The following GPC5 variants were observed in gnomAD, a reference collection of about 807,000 sequenced individuals.
The protein encoded by GPC5 is glypican-5.
In GPC5, 47 loss-of-function variants were observed where a neutral mutation model predicts 53.9. The observed-to-expected ratio is 0.87, with a 90% CI of 0.69 to 1.11. The LOEUF is 1.11. GPC5 is among the 50% of genes most tolerant of loss of function. The pLI is 0.00. For missense variants in GPC5, 748 were observed against 713.1 expected (o/e 1.05, Z -0.56); for synonymous variants, 286 against 263.3 (o/e 1.09, Z -0.84).
At chr13:91,539,214 G>A (rs1886740241) in intron 2 of GPC5, among the ~76,000 whole-genome samples, 1 of 151,972 alleles carries the variant, frequency 6.6e-6, no homozygotes, top group Non-Finnish European at 1.5e-5. Flanking sequence ...TTTTAAAAGC[G>A]TTAAAACAAT....
At chr13:92,036,236 T>C (rs1389637891) in intron 6 of GPC5, among the ~76,000 whole-genome samples, 1 of 152,170 alleles carries the variant, frequency 6.6e-6, no homozygotes, top group Non-Finnish European at 1.5e-5. Flanking sequence ...ATATTAATGG[T>C]TTTACAGCAT....
intron 7 of GPC5, among the ~76,000 whole-genome samples, chr13:92,793,639 A>G (rs1384292845): frequency 2.0e-5 from 3 of 152,164 alleles, no homozygotes; most frequent in African/African-American, 7.2e-5. Flanking sequence ...ACCACTAGCA[A>G]GATTAATAAG....
At chr13:91,771,635 G>A (rs980934709) in intron 5 of GPC5, among the ~76,000 whole-genome samples, 1 of 152,044 alleles carries the variant, frequency 6.6e-6, no homozygotes, top group Non-Finnish European at 1.5e-5. Flanking sequence ...AGAAGAAGAG[G>A]GTTAAAGGAC....
At chr13:92,382,326 T>G (rs1210615269) in intron 7 of GPC5, among the ~76,000 whole-genome samples, 1 of 151,984 alleles carries the variant, frequency 6.6e-6, no homozygotes, top group African/African-American at 2.4e-5. Flanking sequence ...AAAGAACTTC[T>G]GTAACCAAAT....
chr13:92,301,660 A>G (rs2043076142), intron 7 of GPC5, among the ~76,000 whole-genome samples: 1 of 152,088 alleles, frequency 6.6e-6, no homozygotes, highest in African/African-American at 2.4e-5. Context: ...ACCAAGGCTT[A>G]TGGATCACAT....
intron 7 of GPC5, 59 bp downstream of exon 7, chr13:92,145,048 G>T: frequency 1.6e-6 from 2 of 1,251,168 alleles, no homozygotes; most frequent in Non-Finnish European, 2.1e-6. Flanking sequence ...TATAATTAAA[G>T]ATATTGTTAT....
At chr13:92,282,979 G>A (rs2042927625) in intron 7 of GPC5, among the ~76,000 whole-genome samples, 1 of 152,194 alleles carries the variant, frequency 6.6e-6, no homozygotes, top group Non-Finnish European at 1.5e-5. Context: ...ACCCATCAGT[G>A]TGCTGTATTC....
intron 7 of GPC5, among the ~76,000 whole-genome samples, chr13:92,291,157 G>C (rs577946296): frequency 3.1e-4 from 47 of 152,230 alleles, no homozygotes; most frequent in African/African-American, 1.0e-3. Context: ...TGCGGCCGGA[G>C]CCTCCCCGAG....
At chr13:92,224,706 G>A (rs901746633) in intron 7 of GPC5, among the ~76,000 whole-genome samples, 3 of 152,162 alleles carry the variant, frequency 2.0e-5, no homozygotes, top group Admixed American at 2.0e-4. Context: ...CCACAACCTT[G>A]ACTCATAGGC....
intron 7 of GPC5, among the ~76,000 whole-genome samples, chr13:92,318,617 C>T (rs1463580888): frequency 1.3e-5 from 2 of 152,012 alleles, no homozygotes; most frequent in East Asian, 1.9e-4. Context: ...ACCAGTGGTA[C>T]ATATATCTTA....
intron 6 of GPC5, among the ~76,000 whole-genome samples, chr13:91,915,694 A>T (rs2039651790): frequency 6.6e-6 from 1 of 152,182 alleles, no homozygotes. Context: ...TAAAACTTTT[A>T]TATATTTCTG....
chr13:92,740,849 A>G (rs1889062841), intron 7 of GPC5, among the ~76,000 whole-genome samples: 1 of 150,324 alleles, frequency 6.7e-6, no homozygotes, highest in South Asian at 2.1e-4. Flanking sequence ...GGGGAAAAGT[A>G]GCCCAAATAA....
At chr13:92,410,294 T>C (rs1875987779) in intron 7 of GPC5, among the ~76,000 whole-genome samples, 1 of 152,188 alleles carries the variant, frequency 6.6e-6, no homozygotes, top group Non-Finnish European at 1.5e-5. Flanking sequence ...CAGATGACAG[T>C]TGATACTCTC....
chr13:92,627,281 T>G (rs1429389583), intron 7 of GPC5, among the ~76,000 whole-genome samples: 2 of 152,220 alleles, frequency 1.3e-5, no homozygotes, highest in Non-Finnish European at 2.9e-5. Flanking sequence ...ATTTTCCCAA[T>G]GAAGAGAGCA....
rs1028488538 is a variant in GPC5 at position 91,590,476 on chromosome 13, ATGTT to A, written c.326-102705_326-102702del. 5.8e-4 allele frequency among the ~76,000 whole-genome samples: 88 copies of A among 152,274 alleles called. 1 individual carries two copies. The highest frequency in any genetic ancestry group is 2.0e-3 in the African/African-American group (82 of 41,570). On this transcript the variant is annotated intron_variant, in intron 2 of 7. Transcript: ENST00000377067. ...TAATAAACTAATGCCATGCCTGTAT[ATGTT>A]TGTTTATGTTCCAGCTATAAGAATT...
intron 2 of GPC5, among the ~76,000 whole-genome samples, chr13:91,528,184 G>A (rs1886174587): frequency 6.6e-6 from 1 of 152,096 alleles, no homozygotes; most frequent in Non-Finnish European, 1.5e-5. Flanking sequence ...AAACTTTTAT[G>A]CTCTGCTTCC....
At chr13:92,818,080 G>A (rs113638184) in intron 7 of GPC5, among the ~76,000 whole-genome samples, 4 of 149,598 alleles carry the variant, frequency 2.7e-5, no homozygotes, top group South Asian at 2.1e-4. Flanking sequence ...TGGCGCGATC[G>A]CGGCTCACTG....
intron 7 of GPC5, among the ~76,000 whole-genome samples, chr13:92,199,336 G>T (rs2042278633): frequency 6.6e-6 from 1 of 152,114 alleles, no homozygotes; most frequent in African/African-American, 2.4e-5. Context: ...ATATCTGCGG[G>T]TTTAACTTAT....
rs766293591 is a variant in GPC5, at chr13:92,866,455, C to A, written c.*16C>A. On this transcript the variant is annotated 3_prime_UTR_variant, in exon 8 of 8. Coordinates refer to ENST00000377067, the MANE Select transcript of GPC5 (RefSeq NM_004466.6). ...GATTTGGTAACTGAACTCTTCTGTC[C>A]TGACATACCTTACTGAAGTCTCGAT... The A allele has an allele frequency of 3.8e-6, 6 of 1,562,694 alleles. No individual in the cohort carries two copies. In the East Asian group the frequency reaches 1.2e-4, roughly 30 times the overall value.
Sources: gnomAD v4.1 joint callset for allele counts (sites outside exome capture counted in the v4.1 genomes callset) on GRCh38, gnomAD v4.1.1 for gene constraint, MANE v1.5 for transcripts, NCBI Gene and HGNC (gene_info 2026-07-23, HGNC 2026-07-21) for gene names.